RALB: variants seen among roughly 807,000 people sequenced by gnomAD.
RALB encodes the protein RAS like proto-oncogene B, also known as ras-related protein Ral-B.
RALB carries 16 observed loss-of-function variants against 21.3 expected under a neutral mutation model. The observed-to-expected ratio is 0.75, with a 90% CI of 0.51 to 1.14. The LOEUF is 1.14. Among genes scored for constraint, RALB ranks in the 50% most tolerant of loss-of-function variants. RALB has a pLI of 0.00. For missense variants in RALB, 161 were observed against 256.2 expected (o/e 0.63, Z 2.54); for synonymous variants, 93 against 96.1 (o/e 0.97, Z 0.19).
upstream of RALB, among the ~76,000 whole-genome samples, chr2:120,252,236 T>C (rs1393543787): frequency 6.6e-6 from 1 of 152,064 alleles, no homozygotes; most frequent in African/African-American, 2.4e-5. Context: ...CTGCACTTCC[T>C]GCCTCGAGGC....
In RALB at chr2:120,240,118, G is replaced by A. The variant is rs559294369; in HGVS notation, c.12G>A (p.Arg4=). ...GAGGAGGTCTCTGCATGAAACAGCG[G>A]CAGTCAGGTGGGTGCCCGCCCTCGG... Residue 4 remains arginine (R), a synonymous_variant, in exon 1 of 4, where the codon CGG becomes CGA. Transcript: ENST00000447591. The A allele has an allele frequency of 1.0e-4, 135 of 1,289,696 alleles. 1 individual carries two copies. The East Asian group carries it at 6.5e-3, about 63-fold the overall frequency. 79.9% of individuals were successfully genotyped at this position (1,289,696 alleles called of 1,614,324 possible).
At chr2:120,240,399 C>T (rs974004243) in intron 1 of RALB, among the ~76,000 whole-genome samples, 2 of 152,044 alleles carry the variant, frequency 1.3e-5, no homozygotes, top group Non-Finnish European at 2.9e-5. Flanking sequence ...GTCCTCCCAC[C>T]TCAGTCTCTT....
At chr2:120,249,657 C>T (rs1035164443), upstream of RALB, among the ~76,000 whole-genome samples, 5 of 152,126 alleles carry the variant, frequency 3.3e-5, no homozygotes, top group African/African-American at 1.2e-4. Context: ...GGGATCTGTC[C>T]CTATGATCAA....
chr2:120,273,921 C>T (rs1689727072), intron 1 of RALB, among the ~76,000 whole-genome samples: 1 of 152,180 alleles, frequency 6.6e-6, no homozygotes, highest in Non-Finnish European at 1.5e-5. Flanking sequence ...AGTTTTTGAA[C>T]TTTAAGCACA....
chr2:120,286,451 A>T (rs1438508819), intron 3 of RALB, among the ~76,000 whole-genome samples: 2 of 152,220 alleles, frequency 1.3e-5, no homozygotes, highest in Non-Finnish European at 2.9e-5. Context: ...TTACTAAAAA[A>T]AGTAGCAGGT....
intron 1 of RALB, among the ~76,000 whole-genome samples, chr2:120,264,843 G>A (rs1689462555): frequency 6.6e-6 from 1 of 152,112 alleles, no homozygotes; most frequent in Non-Finnish European, 1.5e-5. Flanking sequence ...CCTCATATCA[G>A]TGGAATCATA....
At chr2:120,255,291 T>C (rs1488546669) in intron 1 of RALB, among the ~76,000 whole-genome samples, 9 of 152,076 alleles carry the variant, frequency 5.9e-5, no homozygotes, top group Admixed American at 5.9e-4. Context: ...TTTAAATGAA[T>C]GTATGTTCTG....
At position 120,294,229 on chromosome 2, in the gene RALB, A is replaced by G; in HGVS notation, c.*969A>G. 2.5e-6 allele frequency: 1 copy of G among 398,608 alleles called. No individual in the cohort carries two copies. 24.7% of individuals were successfully genotyped at this position (398,608 alleles called of 1,614,324 possible). A position where few individuals can be genotyped will look rare whatever the true frequency, so the allele number is the denominator to read the frequency against. ...CGTGATGAGTTAAAGTTGTATTCTG[A>G]AATCATGAAGCCAGAGCCTGTGCCA... On this transcript the variant is annotated 3_prime_UTR_variant, in exon 5 of 5. Transcript: ENST00000272519.
intron 1 of RALB, among the ~76,000 whole-genome samples, chr2:120,264,905 G>C (rs984388244): frequency 6.6e-6 from 1 of 152,138 alleles, no homozygotes; most frequent in African/African-American, 2.4e-5. Context: ...CGTCTTTAAG[G>C]GTGATCCATG....
At chr2:120,252,710 G>A, upstream of RALB, 2 of 930,680 alleles carry the variant, frequency 2.1e-6, no homozygotes, top group Non-Finnish European at 1.3e-6. Flanking sequence ...CCGGCCGCCC[G>A]CTGCTTGGAA....
At chr2:120,247,546 TGGTTTTTAAAGTCCCTCGTA>T (rs1319137046) in intron 1 of RALB, among the ~76,000 whole-genome samples, 4 of 152,094 alleles carry the variant, frequency 2.6e-5, no homozygotes, top group Non-Finnish European at 4.4e-5. Context: ...TAGGGAAAAG[TGGTTTTTAAAGTCCCTCGTA>T]AAGTCCTGAC....
chr2:120,243,170 C>T (rs531504743), intron 1 of RALB, among the ~76,000 whole-genome samples: 3 of 152,300 alleles, frequency 2.0e-5, no homozygotes, highest in South Asian at 2.1e-4. Context: ...ATTGGCACTC[C>T]GTCTGCCAGG....
chr2:120,278,276 G>A (rs1689895701), intron 1 of RALB, among the ~76,000 whole-genome samples: 1 of 152,200 alleles, frequency 6.6e-6, no homozygotes, highest in Non-Finnish European at 1.5e-5. Flanking sequence ...AGAGAGGTAG[G>A]AAACTGGAGC....
Position 120,293,197 on chromosome 2 carries a change from C to G in RALB, c.558C>G (p.Asp186Glu). The G allele has an allele frequency of 6.2e-7, 1 of 1,613,366 alleles. No individual in the cohort carries two copies. The highest frequency in any genetic ancestry group is 1.1e-5 in the South Asian group (1 of 90,992). Residue 186 changes from aspartate (D) to glutamate (E), a missense_variant, in exon 5 of 5, where the codon GAC becomes GAG. By Grantham distance (45) the Asp-to-Glu change is conservative (BLOSUM62 2). Transcript: ENST00000272519. Reference sequence around the variant, plus strand: ...CAAAGAAGATGTCAGAAAACAAAGACAAGAATGGCAAGAAAAGCAGCAAGA... The same window carrying G: ...CAAAGAAGATGTCAGAAAACAAAGAGAAGAATGGCAAGAAAAGCAGCAAGA... ...IRTKKMSENK[D>E]KNGKKSSKNK...
intron 2 of RALB, among the ~76,000 whole-genome samples, chr2:120,279,936 TG>T: frequency 6.6e-6 from 1 of 151,992 alleles, no homozygotes. Context: ...CTGGGTTAGG[TG>T]GGAATAGTGG....
chr2:120,275,150 G>T (rs1482308794), intron 1 of RALB, among the ~76,000 whole-genome samples: 1 of 152,314 alleles, frequency 6.6e-6, no homozygotes. Flanking sequence ...ATTTTCCTCT[G>T]TTGGCGCACA....
In RALB at chr2:120,293,190, A is replaced by G. The variant is rs865830396; in HGVS notation, c.551A>G (p.Asn184Ser). Residue 184 changes from asparagine (N) to serine (S), a missense_variant, in exon 5 of 5, where the codon AAC (asparagine) becomes AGC (serine). Physicochemically the swap from Asn to Ser is conservative, Grantham distance 46. Transcript: ENST00000272519. Reference sequence around the variant, plus strand: ...ATCAGAACAAAGAAGATGTCAGAAAACAAAGACAAGAATGGCAAGAAAAGC... The same window carrying G: ...ATCAGAACAAAGAAGATGTCAGAAAGCAAAGACAAGAATGGCAAGAAAAGC... Reference protein sequence around the residue: ...REIRTKKMSENKDKNGKKSSK... With the variant: ...REIRTKKMSESKDKNGKKSSK... 17 of 1,613,868 alleles carry G rather than the reference A, an allele frequency of 1.1e-5. 1 individual carries two copies. In the Middle Eastern group the frequency reaches 2.6e-3, roughly 251 times the overall value.
rs568751169 is a variant in RALB, at chr2:120,279,390, C to T, written c.114+612C>T. Among the ~76,000 whole-genome samples, 13 of 152,180 alleles carry T rather than the reference C, an allele frequency of 8.5e-5. No individual in the cohort carries two copies. In the East Asian group the frequency reaches 2.1e-3, roughly 25 times the overall value. ...ACTTAGCCTACTGTGGGCTCTACAT[C>T]TGCAGATTCAAGCAATGTAGAATGA... is the stretch of plus-strand genomic sequence containing the variant. On this transcript the variant is annotated intron_variant, in intron 2 of 4. Transcript: ENST00000272519.
chr2:120,268,388 A>G (rs988610058), intron 1 of RALB, among the ~76,000 whole-genome samples: 3 of 152,238 alleles, frequency 2.0e-5, no homozygotes, highest in South Asian at 2.1e-4. Context: ...TGTGGTATAA[A>G]TTAATTTACC....
Sources: allele counts gnomAD v4.1 joint callset (sites outside exome capture counted in the v4.1 genomes callset), GRCh38; gene constraint gnomAD v4.1.1; transcripts MANE v1.5; gene names NCBI Gene and HGNC (gene_info 2026-07-23, HGNC 2026-07-21).